Variants in BTG4 observed in about 807,000 individuals in gnomAD.
BTG4 encodes the protein BTG anti-proliferation factor 4.
Under a neutral mutation model 19.3 loss-of-function variants are expected in BTG4, and 10 were observed. The observed-to-expected ratio is 0.52, with a 90% confidence interval of 0.32 to 0.88. The LOEUF (loss-of-function observed/expected upper bound fraction) is 0.88. BTG4 is among the 40% of genes least tolerant of loss of function. The pLI is 0.04. For missense variants in BTG4, 238 were observed against 281.9 expected (o/e 0.84, Z 1.11); for synonymous variants, 91 against 95.7 (o/e 0.95, Z 0.29).
chr11:111,446,147 C>T, the BTG4 span, among the ~76,000 whole-genome samples: 31 of 152,280 alleles, frequency 2.0e-4, no homozygotes, highest in Middle Eastern at 3.4e-3. Context: ...AGGTTGACAA[C>T]GTGAACCTAC....
At chr11:111,410,319 G>A in the BTG4 span, among the ~76,000 whole-genome samples, 1,247 of 152,040 alleles carry the variant, frequency 8.2e-3, 13 homozygotes, top group African/African-American at 0.027. Flanking sequence ...TGCCCATGCT[G>A]GTCTCAAATT....
the BTG4 span, among the ~76,000 whole-genome samples, chr11:111,437,066 C>T: frequency 3.3e-5 from 5 of 152,158 alleles, no homozygotes; most frequent in South Asian, 4.1e-4. Context: ...TATAAAATTC[C>T]TTTCAACTCC....
chr11:111,441,770 C>T, the BTG4 span, among the ~76,000 whole-genome samples: 2 of 152,138 alleles, frequency 1.3e-5, no homozygotes, highest in African/African-American at 2.4e-5. Flanking sequence ...AAAAGCAAAG[C>T]GAGTTGGGCC....
At chr11:111,506,424 A>G (rs1866459994) in intron 1 of BTG4, among the ~76,000 whole-genome samples, 1 of 152,112 alleles carries the variant, frequency 6.6e-6, no homozygotes, top group Non-Finnish European at 1.5e-5. Flanking sequence ...AGTGGGAGCT[A>G]AAGAAATGGT....
At chr11:111,385,876 G>A in the BTG4 span, 1 of 152,200 alleles carries the variant, frequency 6.6e-6, no homozygotes, top group African/African-American at 2.4e-5. Context: ...TTAAGAACGA[G>A]TTGCTGGCCC....
At chr11:111,400,256 A>T in the BTG4 span, among the ~76,000 whole-genome samples, 1 of 152,208 alleles carries the variant, frequency 6.6e-6, no homozygotes, top group Non-Finnish European at 1.5e-5. Context: ...TTCTACAGTT[A>T]TGTGAATTGA....
At chr11:111,443,640 G>A in the BTG4 span, among the ~76,000 whole-genome samples, 466 of 152,244 alleles carry the variant, frequency 3.1e-3, 2 homozygotes, top group Middle Eastern at 0.024. Flanking sequence ...AAATTAAGTC[G>A]TCCCCCACCT....
chr11:111,431,137 C>T, the BTG4 span, among the ~76,000 whole-genome samples: 1 of 152,286 alleles, frequency 6.6e-6, no homozygotes, highest in Non-Finnish European at 1.5e-5. Flanking sequence ...TACCTTAACC[C>T]AGGCAGTAAA....
chr11:111,498,902 A>C (rs1370165295), intron 1 of BTG4, 100 bp from the exon 2 acceptor site: 2 of 774,944 alleles, frequency 2.6e-6, no homozygotes, highest in Middle Eastern at 3.8e-4. Flanking sequence ...CTTAAAGTTA[A>C]AACTGAGAAA....
the BTG4 span, among the ~76,000 whole-genome samples, chr11:111,392,194 T>TTTC: frequency 1.4e-5 from 2 of 145,082 alleles, no homozygotes; most frequent in African/African-American, 5.2e-5. Flanking sequence ...TTTTTTTTTT[T>TTTC]TGAGACGGAG....
At chr11:111,420,824 G>A in the BTG4 span, among the ~76,000 whole-genome samples, 3,772 of 152,278 alleles carry the variant, frequency 0.025, 151 homozygotes, top group African/African-American at 0.083. Context: ...TTACCCTCAT[G>A]AAGCTTACAT....
chr11:111,410,082 G>T, the BTG4 span, among the ~76,000 whole-genome samples: 1 of 152,122 alleles, frequency 6.6e-6, no homozygotes, highest in Non-Finnish European at 1.5e-5. Flanking sequence ...CCAGTCTCAG[G>T]TCTGTTACTA....
In BTG4 at chr11:111,484,571, T is replaced by C. The variant is rs1864938729; in HGVS notation, c.662+10592A>G. ...TTTGTAATCACAGTTGTCACCATTGTCACCATTTTTAAATTGGTTAATAAA... is the reference window on the plus strand; with the variant it reads ...TTTGTAATCACAGTTGTCACCATTGCCACCATTTTTAAATTGGTTAATAAA... On this transcript the variant is annotated intron_variant, in intron 5 of 5. Coordinates refer to the BTG4 transcript ENST00000356018. 2.0e-5 allele frequency among the ~76,000 whole-genome samples: 3 copies of C among 152,168 alleles called. No homozygotes were observed. In the South Asian group the frequency reaches 6.2e-4, roughly 31 times the overall value.
At chr11:111,470,298 G>A (rs1171287919) in intron 5 of BTG4, among the ~76,000 whole-genome samples, 4 of 152,084 alleles carry the variant, frequency 2.6e-5, no homozygotes, top group African/African-American at 4.8e-5. Context: ...TGCCCAGGCT[G>A]GTCTTGAATG....
chr11:111,435,279 G>A, the BTG4 span, among the ~76,000 whole-genome samples: 5 of 152,170 alleles, frequency 3.3e-5, no homozygotes, highest in Non-Finnish European at 7.3e-5. Flanking sequence ...ACTCTCAAGG[G>A]CTCAGACCTG....
chr11:111,394,311 G>T, the BTG4 span, among the ~76,000 whole-genome samples: 1 of 152,196 alleles, frequency 6.6e-6, no homozygotes, highest in Non-Finnish European at 1.5e-5. Flanking sequence ...TTGAATTGTA[G>T]CTCCCATAAT....
chr11:111,473,939 A>C (rs572265101), intron 5 of BTG4, among the ~76,000 whole-genome samples: 8 of 152,302 alleles, frequency 5.3e-5, no homozygotes, highest in Admixed American at 5.2e-4. Flanking sequence ...AATCCTAAGC[A>C]TTTAAAATGT....
At chr11:111,476,629 AT>A (rs1864413828) in intron 5 of BTG4, among the ~76,000 whole-genome samples, 1 of 152,126 alleles carries the variant, frequency 6.6e-6, no homozygotes, top group South Asian at 2.1e-4. Context: ...TAAGTACCAA[AT>A]TAGACAGCCT....
chr11:111,496,366 A>G (rs539310319), intron 4 of BTG4: 1 of 152,308 alleles, frequency 6.6e-6, no homozygotes, highest in South Asian at 2.1e-4. Context: ...TCTGCGACCC[A>G]GTAGTTCTGT....
Sources: gnomAD v4.1 joint callset for allele counts (sites outside exome capture counted in the v4.1 genomes callset) on GRCh38, gnomAD v4.1.1 for gene constraint, MANE v1.5 for transcripts, NCBI Gene and HGNC (gene_info 2026-07-23, HGNC 2026-07-21) for gene names.